RACGAP1: variants seen among roughly 807,000 people sequenced by gnomAD.
The protein encoded by RACGAP1 is rac GTPase-activating protein 1.
A neutral mutation model predicts 78.1 loss-of-function variants in RACGAP1; 30 were observed. The ratio of observed to expected loss-of-function variants is 0.38; its 90% CI spans 0.29 to 0.52. RACGAP1 has a LOEUF of 0.52. Ranked by LOEUF, RACGAP1 falls within the 20% of genes least tolerant of loss-of-function variation. The probability of loss-of-function intolerance (pLI) is 0.82; values close to 1 mark genes in which losing one functional copy is unlikely to be tolerated. For missense variants in RACGAP1, 587 were observed against 777.1 expected (o/e 0.76, Z 2.91); for synonymous variants, 231 against 264.8 (o/e 0.87, Z 1.24).
chr12:50,024,700 G>C (rs181105623), intron 1 of RACGAP1, among the ~76,000 whole-genome samples: 1 of 151,706 alleles, frequency 6.6e-6, no homozygotes, highest in Non-Finnish European at 1.5e-5. Context: ...CTTATTGAAT[G>C]ATTAAGCTAC....
chr12:49,992,203 C>T (rs748938814), intron 14 of RACGAP1, 42 bp downstream of exon 14: 7 of 1,612,736 alleles, frequency 4.3e-6, no homozygotes, highest in South Asian at 1.1e-5. Context: ...CAAGTTATCA[C>T]ATTACACAAG....
intron 3 of RACGAP1, 25 bp from the exon 4 acceptor site, chr12:50,005,417 A>G: frequency 6.2e-7 from 1 of 1,612,978 alleles, no homozygotes; most frequent in East Asian, 2.2e-5. Context: ...AAAGTAAAAC[A>G]TCATAACTAG....
chr12:50,005,195 CA>C, intron 4 of RACGAP1, 60 bp downstream of exon 4: 1 of 1,593,720 alleles, frequency 6.3e-7, no homozygotes, highest in Non-Finnish European at 8.6e-7. Context: ...ATTCAGATAA[CA>C]AGAATATCTG....
chr12:50,001,655 A>C lies in RACGAP1; in HGVS notation c.550-403T>G, dbSNP rs374133746. Reference sequence around the variant, plus strand: ...TAGAGCACAAAAGTTCTGTGTAAAAATTCATATGACAATTCAAAACAAACT... The same window carrying C: ...TAGAGCACAAAAGTTCTGTGTAAAACTTCATATGACAATTCAAAACAAACT... On this transcript the variant is annotated intron_variant, in intron 6 of 16. Coordinates refer to ENST00000312377, the MANE Select transcript of RACGAP1 (RefSeq NM_001319999.2). Among the ~76,000 whole-genome samples, 18 of 152,356 alleles carry C rather than the reference A, an allele frequency of 1.2e-4. No homozygotes were observed. In the East Asian group the frequency reaches 3.3e-3, roughly 28 times the overall value.
intron 2 of RACGAP1, among the ~76,000 whole-genome samples, chr12:50,008,602 C>A (rs1949121766): frequency 2.6e-5 from 4 of 152,142 alleles, no homozygotes; most frequent in African/African-American, 9.7e-5. Flanking sequence ...AAGCAACTCT[C>A]CTGCCTCAGC....
chr12:49,994,166 G>A lies in RACGAP1; in HGVS notation c.1304C>T (p.Thr435Ile). 9.3e-6 allele frequency: 15 copies of A among 1,613,372 alleles called. No homozygotes were observed. The highest frequency in any genetic ancestry group is 1.3e-5 in the Non-Finnish European group (15 of 1,179,960). Reference sequence around the variant, plus strand: ...CATAAAGGCTCTGTTAAGGCGAAAGGTCAGAAGAGGTTCTTTGAGGTTTCG... The same window carrying A: ...CATAAAGGCTCTGTTAAGGCGAAAGATCAGAAGAGGTTCTTTGAGGTTTCG... Reference protein sequence around the residue: ...FLRNLKEPLLTFRLNRAFMEA... With the variant: ...FLRNLKEPLLIFRLNRAFMEA... The change falls in exon 12 of 17, where the codon ACC (threonine) becomes ATC (isoleucine). Residue 435 changes from threonine to isoleucine, a missense_variant. Transcript: ENST00000312377.
At chr12:50,024,699 T>A (rs1456478492) in intron 1 of RACGAP1, among the ~76,000 whole-genome samples, 1 of 151,848 alleles carries the variant, frequency 6.6e-6, no homozygotes, top group Non-Finnish European at 1.5e-5. Context: ...ACTTATTGAA[T>A]GATTAAGCTA....
upstream of RACGAP1, chr12:50,025,531 G>A: frequency 1.0e-6 from 1 of 985,480 alleles, no homozygotes; most frequent in South Asian, 4.7e-5. Flanking sequence ...TATTCCTCCC[G>A]CGCCGTCCCT....
upstream of RACGAP1, among the ~76,000 whole-genome samples, chr12:50,029,605 A>T (rs527276458): frequency 2.6e-5 from 4 of 151,852 alleles, no homozygotes; most frequent in South Asian, 8.3e-4. Flanking sequence ...TTAAAAAAAA[A>T]TTTGAGGGCT....
In RACGAP1 at chr12:49,999,753, G is replaced by A. The variant is rs1192743864; in HGVS notation, c.631-20C>T. ...ATTCCCCTGCAACAAAAGTAGTAAT[G>A]AGGAAAGACAAACAAAGAATCTAAC... On this transcript the variant is annotated intron_variant, in intron 7 of 16. Transcript: ENST00000312377. 1.3e-6 allele frequency: 2 copies of A among 1,558,906 alleles called. No homozygotes were observed. Among genetic ancestry groups the A allele is most frequent in the Non-Finnish European group, 8.9e-7 (1 of 1,129,760 alleles).
rs189411338 is a variant in RACGAP1, at chr12:49,990,305, C to T, written c.1862G>A (p.Arg621Gln). The change falls in exon 17 of 17, where the codon CGA becomes CAA. Residue 621 changes from arginine (R) to glutamine (Q), a missense_variant. By Grantham distance (43) the Arg-to-Gln change is conservative. Transcript: ENST00000312377. ...SKSKSATNLG[R>Q]QGNFFASPML... ...TGGAGAAGCAAAAAAGTTGCCTTGT[C>T]GTCCTAGGTTAGTGGCAGACTTGCT... 1.9e-5 allele frequency: 30 copies of T among 1,613,878 alleles called. No homozygotes were observed. The Middle Eastern group carries it at 5.0e-4, about 27-fold the overall frequency.
chr12:50,017,768 T>C (rs905048044), intron 1 of RACGAP1, among the ~76,000 whole-genome samples: 1 of 152,204 alleles, frequency 6.6e-6, no homozygotes, highest in Non-Finnish European at 1.5e-5. Flanking sequence ...TTAAGAACTC[T>C]TATGAAGGGT....
intron 3 of RACGAP1, among the ~76,000 whole-genome samples, chr12:50,006,159 C>T (rs1592174653): frequency 6.6e-6 from 1 of 152,306 alleles, no homozygotes; most frequent in East Asian, 1.9e-4. Context: ...TCCCTCCCTC[C>T]CTTTTCCTCT....
intron 11 of RACGAP1, 21 bp from the exon 12 acceptor site, chr12:49,994,350 T>A: frequency 6.2e-7 from 1 of 1,612,896 alleles, no homozygotes; most frequent in Non-Finnish European, 8.5e-7. Context: ...GATGACATTT[T>A]TATTTAAAAA....
intron 1 of RACGAP1, among the ~76,000 whole-genome samples, chr12:50,021,698 T>C (rs1950019109): frequency 6.6e-6 from 1 of 152,226 alleles, no homozygotes; most frequent in Admixed American, 6.5e-5. Flanking sequence ...AATGAAAGGT[T>C]GCTGGAGTTT....
intron 10 of RACGAP1, 93 bp downstream of exon 10, chr12:49,996,947 T>C: frequency 7.2e-7 from 1 of 1,381,582 alleles, no homozygotes; most frequent in Non-Finnish European, 9.5e-7. Context: ...GAAATATATT[T>C]GAGATGATTA....
chr12:50,029,386 A>AAAAAC (rs1950310724), upstream of RACGAP1, among the ~76,000 whole-genome samples: 1 of 150,762 alleles, frequency 6.6e-6, no homozygotes, highest in African/African-American at 2.5e-5. Context: ...CTCCATCTCA[A>AAAAAC]AAACAAACAA....
chr12:50,032,107 C>T (rs917838904), intron 1 of RACGAP1, among the ~76,000 whole-genome samples: 3 of 152,180 alleles, frequency 2.0e-5, no homozygotes. Context: ...GATTGTGTCA[C>T]AGCACTCCAG....
chr12:49,995,585 C>T (rs931661103), intron 10 of RACGAP1, among the ~76,000 whole-genome samples: 21 of 151,958 alleles, frequency 1.4e-4, no homozygotes, highest in African/African-American at 5.1e-4. Context: ...TTCAACCTCC[C>T]CACCTCAAGC....
Sources: allele counts gnomAD v4.1 joint callset (sites outside exome capture counted in the v4.1 genomes callset), GRCh38; gene constraint gnomAD v4.1.1; transcripts MANE v1.5; gene names NCBI Gene and HGNC (gene_info 2026-07-23, HGNC 2026-07-21).